SEL1L: variants seen among roughly 807,000 people sequenced by gnomAD.
The protein encoded by SEL1L is SEL1L adaptor subunit of SYVN1 ubiquitin ligase.
In SEL1L, 52 loss-of-function variants were observed where a neutral mutation model predicts 109.8. The observed-to-expected ratio is 0.47, with a 90% CI of 0.38 to 0.60. The LOEUF (loss-of-function observed/expected upper bound fraction) is 0.60, where lower values mean the gene tolerates loss of function less well. Ranked by LOEUF, SEL1L falls within the 20% of genes least tolerant of loss-of-function variation. SEL1L has a pLI of 0.00. For missense variants in SEL1L, 749 were observed against 962.2 expected (o/e 0.78, Z 2.93); for synonymous variants, 373 against 339.6 (o/e 1.10, Z -1.08).
chr14:81,498,757 G>A (rs1396498351), intron 8 of SEL1L: 1 of 281,746 alleles, frequency 3.5e-6, no homozygotes, highest in African/African-American at 2.2e-5. Context: ...TTTGAAGTGT[G>A]TGCATTTTAC....
chr14:81,496,373 T>G (rs949042560), intron 10 of SEL1L, among the ~76,000 whole-genome samples: 6 of 151,924 alleles, frequency 3.9e-5, no homozygotes, highest in African/African-American at 1.5e-4. Flanking sequence ...CCAGTGAACC[T>G]GCTCTAAAGG....
intron 10 of SEL1L, among the ~76,000 whole-genome samples, chr14:81,497,396 T>C (rs1285135062): frequency 1.3e-5 from 2 of 152,258 alleles, no homozygotes; most frequent in Non-Finnish European, 2.9e-5. Context: ...TTGACGGACA[T>C]TATACAACTT....
chr14:81,524,098 G>T (rs1885023347), intron 3 of SEL1L, among the ~76,000 whole-genome samples: 2 of 152,242 alleles, frequency 1.3e-5, no homozygotes, highest in South Asian at 2.1e-4. Flanking sequence ...CTTGATGAGA[G>T]AAAATTCTTT....
At position 81,510,514 on chromosome 14, in the gene SEL1L, C is replaced by CTATATATA. The variant is rs1555346599; in HGVS notation, c.341-4281_341-4274dup. 4.4e-3 allele frequency among the ~76,000 whole-genome samples: 460 copies of CTATATATA among 104,024 alleles called. 2 individuals are homozygous for CTATATATA. Among genetic ancestry groups the CTATATATA allele is most frequent in the South Asian group, 0.017 (44 of 2,636 alleles). 68.2% of individuals were successfully genotyped at this position (104,024 alleles called of 152,430 possible). On this transcript the variant is annotated intron_variant, in intron 3 of 20. Coordinates refer to ENST00000336735, the MANE Select transcript of SEL1L (RefSeq NM_005065.6). The stretch of plus-strand genomic sequence containing the variant: ...TCTCTCTCTCTCTCTCTCTCTCTCT[C>CTATATATA]TATATATATATATATAGACAATTAA...
intron 11 of SEL1L, among the ~76,000 whole-genome samples, chr14:81,493,094 C>T (rs74430916): frequency 1.3e-5 from 2 of 152,218 alleles, no homozygotes; most frequent in Non-Finnish European, 2.9e-5. Flanking sequence ...AACTGTATTG[C>T]AGCCCATTTT....
At chr14:81,504,499 A>G (rs1448851921) in intron 4 of SEL1L, among the ~76,000 whole-genome samples, 193 bp from the exon 5 acceptor site, 4 of 152,036 alleles carry the variant, frequency 2.6e-5, no homozygotes, top group Non-Finnish European at 5.9e-5. Context: ...ATATATATAT[A>G]TACACACATA....
At chr14:81,529,384 T>C (rs963455843) in intron 1 of SEL1L, among the ~76,000 whole-genome samples, 2 of 152,178 alleles carry the variant, frequency 1.3e-5, no homozygotes, top group Admixed American at 6.5e-5. Context: ...TAAACATATA[T>C]GAAATACCCC....
chr14:81,491,156 G>A (rs1883524164), intron 12 of SEL1L, among the ~76,000 whole-genome samples: 1 of 152,196 alleles, frequency 6.6e-6, no homozygotes, highest in South Asian at 2.1e-4. Flanking sequence ...AACAAGGAAA[G>A]GGGAAGCTGC....
At chr14:81,523,210 G>A (rs188575669) in intron 3 of SEL1L, among the ~76,000 whole-genome samples, 27 of 152,180 alleles carry the variant, frequency 1.8e-4, no homozygotes, top group Admixed American at 2.6e-4. Flanking sequence ...TAGATTAGAG[G>A]GTTAGAATTT....
At position 81,477,040 on chromosome 14, in the gene SEL1L, T is replaced by C; in HGVS notation, c.2317A>G (p.Arg773Gly). The C allele has an allele frequency of 1.9e-6, 3 of 1,614,194 alleles. No individual in the cohort carries two copies. The highest frequency in any genetic ancestry group is 1.7e-6 in the Non-Finnish European group (2 of 1,180,036). Residue 773 changes from arginine to glycine, a missense_variant, in exon 21 of 21, where the codon AGG becomes GGG. Transcript: ENST00000336735. Reference protein sequence around the residue: ...QRQHQDMPAPRPPGPRPAPPQ... With the variant: ...QRQHQDMPAPGPPGPRPAPPQ... ...GGAGCTGGCCGTGGCCCTGGAGGCC[T>C]GGGTGCAGGCATGTCTTGGTGCTGC... is the stretch of plus-strand genomic sequence containing the variant.
chr14:81,502,778 C>T lies in SEL1L; in HGVS notation c.720G>A (p.Gln240=). ...GCTTCTCAAACATCTCTCTCGCTGCCTGGATATTCTGTGGCAAGTAATCAC... is the reference window on the plus strand; with the variant it reads ...GCTTCTCAAACATCTCTCTCGCTGCTTGGATATTCTGTGGCAAGTAATCAC... The part of the protein sequence containing the change: ...LFGDYLPQNI[Q]AAREMFEKLT... Residue 240 remains glutamine, a synonymous_variant, in exon 6 of 21, where the codon CAG becomes CAA. Transcript: ENST00000336735. 2 of 1,614,138 alleles carry T rather than the reference C, an allele frequency of 1.2e-6. No homozygotes were observed. Among genetic ancestry groups the T allele is most frequent in the Non-Finnish European group, 1.7e-6 (2 of 1,180,018 alleles).
intron 3 of SEL1L, among the ~76,000 whole-genome samples, chr14:81,513,720 C>T (rs1299511694): frequency 2.0e-5 from 3 of 152,160 alleles, no homozygotes; most frequent in Non-Finnish European, 2.9e-5. Flanking sequence ...ACTAAAGACA[C>T]GGATGTCAGG....
chr14:81,497,331 TTTTTA>T (rs1298629910), intron 10 of SEL1L, among the ~76,000 whole-genome samples: 1 of 152,244 alleles, frequency 6.6e-6, no homozygotes, highest in Non-Finnish European at 1.5e-5. Context: ...GTTAAAGTTC[TTTTTA>T]TTTTAATATC....
intron 11 of SEL1L, among the ~76,000 whole-genome samples, chr14:81,494,867 G>C (rs1396671018): frequency 6.6e-6 from 1 of 152,176 alleles, no homozygotes; most frequent in East Asian, 1.9e-4. Context: ...GTCCAATATT[G>C]CATGGTGAAT....
intron 14 of SEL1L, 174 bp downstream of exon 14, chr14:81,489,078 G>A: frequency 1.5e-6 from 1 of 656,460 alleles, no homozygotes; most frequent in Non-Finnish European, 2.7e-6. Flanking sequence ...CAGTTGAGAT[G>A]GTGTCTGTCG....
intron 3 of SEL1L, among the ~76,000 whole-genome samples, chr14:81,516,648 A>C (rs190829387): frequency 1.4e-4 from 21 of 152,290 alleles, no homozygotes. Flanking sequence ...TTTACACGCA[A>C]TACTACCCAT....
chr14:81,519,691 A>G (rs932258287), intron 3 of SEL1L, among the ~76,000 whole-genome samples: 1 of 152,090 alleles, frequency 6.6e-6, no homozygotes, highest in Non-Finnish European at 1.5e-5. Context: ...AAGGCCAGAT[A>G]GGAAGCTCTT....
At position 81,504,106 on chromosome 14, in the gene SEL1L, C is replaced by T. The variant is rs747310925; in HGVS notation, c.614+95G>A. 4.2e-5 allele frequency: 27 copies of T among 644,798 alleles called. No homozygotes were observed. In the East Asian group the frequency reaches 5.8e-4, roughly 14 times the overall value. 39.9% of individuals were successfully genotyped at this position (644,798 alleles called of 1,614,324 possible). A position where few individuals can be genotyped will look rare whatever the true frequency, so the allele number is the denominator to read the frequency against. On this transcript the variant is annotated intron_variant, in intron 5 of 20. Coordinates refer to ENST00000336735, the MANE Select transcript of SEL1L (RefSeq NM_005065.6). ...TAATGGAACTTAAAAAAATCTTCTG[C>T]GTCTCTGGCAGTGCACTTTTTAAAG...
chr14:81,487,562 C>G (rs202243862), intron 15 of SEL1L, 24 bp from the exon 16 acceptor site: 5 of 1,586,776 alleles, frequency 3.2e-6, no homozygotes, highest in Admixed American at 1.9e-5. Context: ...AAAAATCACA[C>G]GAGATAATAG....
Sources: allele counts gnomAD v4.1 joint callset (sites outside exome capture counted in the v4.1 genomes callset), GRCh38; gene constraint gnomAD v4.1.1; transcripts MANE v1.5; gene names NCBI Gene and HGNC (gene_info 2026-07-23, HGNC 2026-07-21).